RIPOR2: variants seen among roughly 807,000 people sequenced by gnomAD.
The protein encoded by RIPOR2 is rho family-interacting cell polarization regulator 2.
A neutral mutation model predicts 114.5 loss-of-function variants in RIPOR2; 39 were observed. The observed-to-expected ratio is 0.34, with a 90% CI of 0.26 to 0.44. The LOEUF (loss-of-function observed/expected upper bound fraction) is 0.44, where lower values mean the gene tolerates loss of function less well. Among genes scored for constraint, RIPOR2 ranks in the 20% least tolerant of loss-of-function variants. The probability of loss-of-function intolerance (pLI) is 1.00; values close to 1 mark genes in which losing one functional copy is unlikely to be tolerated. For synonymous variants in RIPOR2, 445 were observed against 484.4 expected, an observed-to-expected ratio of 0.92 and a Z score of 1.07; for missense variants, 1,007 against 1,255.1, an observed-to-expected ratio of 0.80 and a Z score of 2.99.
chr6:24,870,752 G>A (rs1765081293), intron 5 of RIPOR2, 114 bp downstream of exon 5: 1 of 699,850 alleles, frequency 1.4e-6, no homozygotes, highest in Non-Finnish European at 2.4e-6. Flanking sequence ...AAGCTCAAGT[G>A]ATCCACCCAC....
chr6:24,840,651 T>C (rs1761617845), intron 13 of RIPOR2: 3 of 1,533,082 alleles, frequency 2.0e-6, no homozygotes, highest in Admixed American at 3.9e-5. Flanking sequence ...ACACTCAAGA[T>C]GGCACAAAAG....
chr6:25,002,678 T>A (rs1346589850), intron 1 of RIPOR2, among the ~76,000 whole-genome samples: 5 of 152,352 alleles, frequency 3.3e-5, no homozygotes, highest in African/African-American at 1.2e-4. Flanking sequence ...TGAATCACAT[T>A]CAGCTTTTTG....
At chr6:25,029,689 C>A (rs1317931531) in intron 1 of RIPOR2, among the ~76,000 whole-genome samples, 1 of 151,998 alleles carries the variant, frequency 6.6e-6, no homozygotes, top group Non-Finnish European at 1.5e-5. Context: ...AACTATGTAG[C>A]CTTACCCTGA....
intron 1 of RIPOR2, among the ~76,000 whole-genome samples, chr6:25,033,406 A>G (rs1272003345): frequency 1.3e-5 from 2 of 151,942 alleles, no homozygotes; most frequent in East Asian, 3.9e-4. Context: ...GCACTTCTTT[A>G]TTTTCTGGCA....
chr6:24,979,283 C>CTTTTTTTTTT (rs60372040), intron 1 of RIPOR2, among the ~76,000 whole-genome samples: 4 of 99,438 alleles, frequency 4.0e-5, no homozygotes, highest in Admixed American at 1.1e-4. Context: ...TAGGGAAATT[C>CTTTTTTTTTT]TTTTTTTTTT....
At chr6:24,993,144 C>A (rs964905262) in intron 1 of RIPOR2, among the ~76,000 whole-genome samples, 1 of 152,144 alleles carries the variant, frequency 6.6e-6, no homozygotes, top group African/African-American at 2.4e-5. Context: ...CTTTATTAGC[C>A]TAGCTAGTGG....
At chr6:24,978,252 G>A (rs948315581) in intron 1 of RIPOR2, among the ~76,000 whole-genome samples, 1 of 151,958 alleles carries the variant, frequency 6.6e-6, no homozygotes, top group Non-Finnish European at 1.5e-5. Flanking sequence ...CCACTGGCAC[G>A]GTTTTAGGCA....
chr6:25,024,090 C>A (rs569577359), intron 1 of RIPOR2: 50 of 780,482 alleles, frequency 6.4e-5, no homozygotes, highest in Admixed American at 6.4e-4. Context: ...GGGGGACCAG[C>A]GAGTACCAGG....
At chr6:25,028,058 A>G (rs1776714571) in intron 1 of RIPOR2, among the ~76,000 whole-genome samples, 1 of 152,336 alleles carries the variant, frequency 6.6e-6, no homozygotes, top group African/African-American at 2.4e-5. Context: ...CTCGTCCTGC[A>G]TAAAAAAGTA....
At chr6:24,819,893 A>C (rs1303472898) in intron 19 of RIPOR2, among the ~76,000 whole-genome samples, 1 of 152,068 alleles carries the variant, frequency 6.6e-6, no homozygotes, top group Non-Finnish European at 1.5e-5. Flanking sequence ...GAATCACTAT[A>C]TGTCATATTG....
chr6:25,023,423 C>A, intron 1 of RIPOR2: 1 of 768,062 alleles, frequency 1.3e-6, no homozygotes. Context: ...GATGTACACC[C>A]GGCCCTTGAG....
intron 1 of RIPOR2, among the ~76,000 whole-genome samples, chr6:24,984,021 A>G (rs538243229): frequency 6.6e-6 from 1 of 152,328 alleles, no homozygotes; most frequent in South Asian, 2.1e-4. Context: ...CTCAAGGACC[A>G]TAAGGAAGAA....
rs1562203974 is a variant in RIPOR2, at chr6:24,805,644, AGG to A, written c.*727_*728del. ...TATTGAAAGTAAAGTTAGGTAGCTA[AGG>A]GGACTACTCAACCCTGAGAACACGA... On this transcript the variant is annotated 3_prime_UTR_variant, in exon 22 of 22. Coordinates refer to ENST00000643898, the MANE Select transcript of RIPOR2 (RefSeq NM_001286445.3). 6.6e-6 allele frequency: 1 copy of A among 152,210 alleles called. No individual in the cohort carries two copies. The allele number at this position is 152,210 out of a possible 1,614,324, so 9.4% of individuals were successfully genotyped here. A position where few individuals can be genotyped will look rare whatever the true frequency, so the allele number is the denominator to read the frequency against.
chr6:24,993,334 G>C (rs1281045995), intron 1 of RIPOR2, among the ~76,000 whole-genome samples: 1 of 152,180 alleles, frequency 6.6e-6, no homozygotes, highest in Non-Finnish European at 1.5e-5. Flanking sequence ...ATTATGTAAT[G>C]CCCTTCTTTG....
intron 1 of RIPOR2, among the ~76,000 whole-genome samples, chr6:24,960,916 C>A (rs765095726): frequency 1.3e-5 from 2 of 152,090 alleles, no homozygotes; most frequent in African/African-American, 4.8e-5. Flanking sequence ...CCCAGTCATA[C>A]GAGTGAGGGG....
intron 19 of RIPOR2, among the ~76,000 whole-genome samples, chr6:24,820,506 C>T (rs1010948294): frequency 2.0e-5 from 3 of 152,178 alleles, no homozygotes; most frequent in Non-Finnish European, 2.9e-5. Flanking sequence ...ATCCTGTACC[C>T]ATTAGTAGTC....
chr6:24,935,916 C>G lies in RIPOR2; in HGVS notation c.-18G>C, dbSNP rs1771776839. ...AACTGCATCTTGGAGAGGACAGGCG[C>G]GAGAAGCAGCAGGCAGCAGCCCCGG... On this transcript the variant is annotated 5_prime_UTR_variant, in exon 1 of 22. Transcript: ENST00000643898. The G allele has an allele frequency of 6.5e-7, 1 of 1,530,380 alleles. No individual in the cohort carries two copies. The highest frequency in any genetic ancestry group is 8.8e-7 in the Non-Finnish European group (1 of 1,142,414). The allele number at this position is 1,530,380 out of a possible 1,614,324, so 94.8% of individuals were successfully genotyped here. A position where few individuals can be genotyped will look rare whatever the true frequency, so the allele number is the denominator to read the frequency against.
At chr6:25,001,840 C>T (rs1775337235) in intron 1 of RIPOR2, among the ~76,000 whole-genome samples, 1 of 151,186 alleles carries the variant, frequency 6.6e-6, no homozygotes, top group Non-Finnish European at 1.5e-5. Flanking sequence ...GCTGGGACTA[C>T]AGGCGCGTGC....
intron 1 of RIPOR2, among the ~76,000 whole-genome samples, chr6:24,949,296 C>CA (rs1772623797): frequency 6.6e-6 from 1 of 152,010 alleles, no homozygotes; most frequent in African/African-American, 2.4e-5. Context: ...GCCAGCTCTC[C>CA]AAAAAACAAG....
Sources: allele counts gnomAD v4.1 joint callset (sites outside exome capture counted in the v4.1 genomes callset), GRCh38; gene constraint gnomAD v4.1.1; transcripts MANE v1.5; gene names NCBI Gene and HGNC (gene_info 2026-07-23, HGNC 2026-07-21).